The following MTDH variants were observed in gnomAD, a reference collection of about 807,000 sequenced individuals.
MTDH encodes the protein protein LYRIC.
Under a neutral mutation model 72.7 loss-of-function variants are expected in MTDH, and 34 were observed. The observed-to-expected ratio is 0.47, with a 90% CI of 0.36 to 0.62. MTDH has a LOEUF of 0.62. Ranked by LOEUF, MTDH falls within the 20% of genes least tolerant of loss-of-function variation. The pLI is 0.00. For missense variants in MTDH, 677 were observed against 699.4 expected, an observed-to-expected ratio of 0.97 and a Z score of 0.36; for synonymous variants, 266 against 268.9, an observed-to-expected ratio of 0.99 and a Z score of 0.10.
rs1259580194 is a variant in MTDH at position 97,665,811 on chromosome 8, T to G, written c.483+4638T>G. On this transcript the variant is annotated intron_variant, in intron 2 of 11. Coordinates refer to ENST00000336273, the MANE Select transcript of MTDH (RefSeq NM_178812.4). ...AACTGGCAGCAACATTGATGATTAA[T>G]GAATCAGTTTTGCATCTCTGATTGT... 2.0e-5 allele frequency among the ~76,000 whole-genome samples: 3 copies of G among 152,188 alleles called. No homozygotes were observed. In the East Asian group the frequency reaches 5.8e-4, roughly 29 times the overall value.
Position 97,679,287 on chromosome 8 carries a change from CA to C in MTDH, c.484-7372del, listed in dbSNP as rs1274803923. Among the ~76,000 whole-genome samples, 19 of 149,316 alleles carry C rather than the reference CA, an allele frequency of 1.3e-4. No individual in the cohort carries two copies. The South Asian group carries it at 2.1e-3, about 17-fold the overall frequency. On this transcript the variant is annotated intron_variant, in intron 2 of 11. Transcript: ENST00000336273. ...TTAGTGAATTCACTTGTTAAAAATA[CA>C]AAAAAAAATTATCTCACCCATGGTA...
intron 2 of MTDH, among the ~76,000 whole-genome samples, 181 bp from the exon 3 acceptor site, chr8:97,686,487 A>G (rs1004991947): frequency 2.0e-5 from 3 of 152,212 alleles, no homozygotes; most frequent in African/African-American, 4.8e-5. Flanking sequence ...AACACATAGT[A>G]ACCACTCACT....
At chr8:97,661,565 G>C (rs1373977828) in intron 2 of MTDH, among the ~76,000 whole-genome samples, 1 of 152,168 alleles carries the variant, frequency 6.6e-6, no homozygotes, top group Non-Finnish European at 1.5e-5. Context: ...AAATCGTTCA[G>C]TGATGTTTAG....
At chr8:97,692,619 C>T (rs1348731990) in intron 6 of MTDH, among the ~76,000 whole-genome samples, 1 of 152,086 alleles carries the variant, frequency 6.6e-6, no homozygotes, top group Non-Finnish European at 1.5e-5. Context: ...CTCAAGTGAT[C>T]CACCCACCTC....
intron 9 of MTDH, among the ~76,000 whole-genome samples, chr8:97,717,081 C>A (rs1027824022): frequency 1.3e-5 from 2 of 152,146 alleles, no homozygotes; most frequent in African/African-American, 4.8e-5. Context: ...TGTAAGATTG[C>A]AAAACTTTGA....
intron 10 of MTDH, among the ~76,000 whole-genome samples, chr8:97,720,183 G>A (rs1433461063): frequency 2.6e-5 from 4 of 152,176 alleles, no homozygotes; most frequent in African/African-American, 9.7e-5. Context: ...TACCCAAGAG[G>A]CTGAGGCAGG....
At position 97,718,528 on chromosome 8, in the gene MTDH, T is replaced by G. The variant is rs960685730; in HGVS notation, c.1381-521T>G. Among the ~76,000 whole-genome samples the G allele has an allele frequency of 1.2e-4, 7 of 58,020 alleles. No individual in the cohort carries two copies. In the African/African-American group the frequency reaches 2.0e-3, roughly 16 times the overall value. 38.1% of individuals were successfully genotyped at this position (58,020 alleles called of 152,430 possible). A position where few individuals can be genotyped will look rare whatever the true frequency, so the allele number is the denominator to read the frequency against. On this transcript the variant is annotated intron_variant, in intron 9 of 11. Coordinates refer to ENST00000336273, the MANE Select transcript of MTDH (RefSeq NM_178812.4). ...TTGTTTTTGTTTTTGTTTTTTTTGT[T>G]TTTTTTTTGTGAGACAGAGTTTTCC...
At chr8:97,692,415 C>G (rs1367558015) in intron 6 of MTDH, among the ~76,000 whole-genome samples, 1 of 151,790 alleles carries the variant, frequency 6.6e-6, no homozygotes, top group Non-Finnish European at 1.5e-5. Context: ...CTGTCGCTGT[C>G]ACGCTGGAGT....
intron 10 of MTDH, among the ~76,000 whole-genome samples, chr8:97,720,435 G>T (rs944055372): frequency 1.3e-5 from 2 of 151,842 alleles, no homozygotes; most frequent in Admixed American, 6.6e-5. Flanking sequence ...AAATTAGCTG[G>T]GTGTAGTGGT....
intron 2 of MTDH, among the ~76,000 whole-genome samples, chr8:97,669,211 C>T (rs1404748655): frequency 1.3e-5 from 2 of 152,106 alleles, no homozygotes; most frequent in Non-Finnish European, 2.9e-5. Context: ...TACAGTGGCA[C>T]GATCTCCGCT....
At chr8:97,696,046 G>A (rs1813822382) in intron 6 of MTDH, among the ~76,000 whole-genome samples, 1 of 152,146 alleles carries the variant, frequency 6.6e-6, no homozygotes, top group Non-Finnish European at 1.5e-5. Context: ...AAGGGGCCCA[G>A]CTACGTAATA....
At chr8:97,693,287 G>A (rs62521697) in intron 6 of MTDH, among the ~76,000 whole-genome samples, 31,538 of 151,954 alleles carry the variant, frequency 0.21, 3,473 homozygotes, top group East Asian at 0.33. Context: ...TGAAATCACT[G>A]ATGAGATTGA....
At chr8:97,671,413 C>T (rs1812616848) in intron 2 of MTDH, among the ~76,000 whole-genome samples, 1 of 152,058 alleles carries the variant, frequency 6.6e-6, no homozygotes, top group African/African-American at 2.4e-5. Flanking sequence ...AAGATATTTG[C>T]AGAATATAAA....
At position 97,716,604 on chromosome 8, in the gene MTDH, C is replaced by T. The variant is rs566074388; in HGVS notation, c.1381-2445C>T. Reference sequence around the variant, plus strand: ...TTGTGAAGTTGAGGCAGGAGAATCGCAGGTTGCAGTGAGCCAAGATTGTGC... The same window carrying T: ...TTGTGAAGTTGAGGCAGGAGAATCGTAGGTTGCAGTGAGCCAAGATTGTGC... On this transcript the variant is annotated intron_variant, in intron 9 of 11. Coordinates refer to ENST00000336273, the MANE Select transcript of MTDH (RefSeq NM_178812.4). Among the ~76,000 whole-genome samples the T allele has an allele frequency of 2.4e-3, 352 of 149,456 alleles. 15 individuals carry two copies. The South Asian group carries it at 0.073, about 31-fold the overall frequency.
At chr8:97,646,781 A>G (rs1811580366) in intron 1 of MTDH, among the ~76,000 whole-genome samples, 1 of 152,178 alleles carries the variant, frequency 6.6e-6, no homozygotes, top group Admixed American at 6.5e-5. Context: ...AGCTTTGAGG[A>G]GTGGAGAATG....
intron 2 of MTDH, among the ~76,000 whole-genome samples, chr8:97,667,542 G>T (rs1302279073): frequency 1.3e-5 from 2 of 151,854 alleles, no homozygotes; most frequent in Non-Finnish European, 2.9e-5. Flanking sequence ...CTCTTTTTTT[G>T]CTTGAAAGAA....
At chr8:97,697,116 T>C (rs1304868239) in intron 6 of MTDH, among the ~76,000 whole-genome samples, 1 of 76,312 alleles carries the variant, frequency 1.3e-5, no homozygotes, top group East Asian at 5.5e-4. Context: ...AGACTCTGTC[T>C]CACAAAAAAA....
At chr8:97,663,575 C>A (rs888426041) in intron 2 of MTDH, among the ~76,000 whole-genome samples, 2 of 151,660 alleles carry the variant, frequency 1.3e-5, no homozygotes, top group African/African-American at 4.8e-5. Context: ...GGTGAAACCC[C>A]GTCTCTACTA....
rs372547452 is a variant in MTDH, at chr8:97,720,522, G to A, written c.1521+1333G>A. On this transcript the variant is annotated intron_variant, in intron 10 of 11. Coordinates refer to ENST00000336273, the MANE Select transcript of MTDH (RefSeq NM_178812.4). The stretch of plus-strand genomic sequence containing the variant: ...GCCCAGGAGGTCGAGGCTGCAGTGA[G>A]CTGTAATTGCGCCACTGCACTCCAG... 2.4e-3 allele frequency among the ~76,000 whole-genome samples: 361 copies of A among 151,912 alleles called. 17 individuals carry two copies. In the South Asian group the frequency reaches 0.073, roughly 31 times the overall value.
Sources: allele counts gnomAD v4.1 joint callset (sites outside exome capture counted in the v4.1 genomes callset), GRCh38; gene constraint gnomAD v4.1.1; transcripts MANE v1.5; gene names NCBI Gene and HGNC (gene_info 2026-07-23, HGNC 2026-07-21).